Variants in LHB observed in about 807,000 individuals in gnomAD.
LHB encodes the protein luteinizing hormone subunit beta, also known as lutropin subunit beta.
LHB carries 11 observed loss-of-function variants against 10.6 expected under a neutral mutation model. The ratio of observed to expected loss-of-function variants is 1.04; its 90% CI spans 0.66 to 1.72. LHB has a LOEUF of 1.72. LHB is among the 40% of genes most tolerant of loss of function. The probability of loss-of-function intolerance (pLI) is 0.00; values close to 1 mark genes in which losing one functional copy is unlikely to be tolerated. For missense variants in LHB, 184 were observed against 197.3 expected (o/e 0.93, Z 0.41); for synonymous variants, 86 against 83.1 (o/e 1.03, Z -0.19).
chr19:49,017,462 T>G (rs2039576376), upstream of LHB: 11 of 1,138,344 alleles, frequency 9.7e-6, no homozygotes, highest in Non-Finnish European at 1.2e-5. Flanking sequence ...GCCTCAACCC[T>G]CCACTTGAGG....
chr19:49,019,133 C>T, upstream of LHB: 1 of 1,428,224 alleles, frequency 7.0e-7, no homozygotes, highest in Non-Finnish European at 9.1e-7. Context: ...CACACCCCGC[C>T]CCAGGGTTAG....
intron 2 of LHB, 104 bp from the exon 3 acceptor site, chr19:49,016,414 C>T: frequency 1.3e-6 from 2 of 1,598,744 alleles, no homozygotes; most frequent in Non-Finnish European, 1.7e-6. Context: ...GCCCAGGAAG[C>T]CCTCTGTTCC....
upstream of LHB, chr19:49,017,350 C>A (rs915229909): frequency 9.5e-7 from 1 of 1,051,458 alleles, no homozygotes; most frequent in Non-Finnish European, 1.3e-6. Flanking sequence ...CTAGTCGAGC[C>A]TGGAGGCACA....
At chr19:49,019,220 A>G (rs1568649033), upstream of LHB, 36 of 1,378,930 alleles carry the variant, frequency 2.6e-5, no homozygotes, top group Non-Finnish European at 3.3e-5. Flanking sequence ...TCACCTCCCT[A>G]AATCCAAGCA....
chr19:49,018,322 G>T (rs2039591779), upstream of LHB: 5 of 1,216,282 alleles, frequency 4.1e-6, no homozygotes, highest in Non-Finnish European at 5.1e-6. Context: ...CCTTGCGGGG[G>T]TATCCGGACA....
chr19:49,016,449 A>G (rs1211350447), intron 2 of LHB, 98 bp downstream of exon 2: 18 of 1,601,942 alleles, frequency 1.1e-5, no homozygotes, highest in South Asian at 1.1e-4. Flanking sequence ...CCATTCCCCA[A>G]CCGCAGGCCA....
At position 49,017,053 on chromosome 19, in the gene LHB, C is replaced by A. The variant is rs762958127; in HGVS notation, c.15+14G>T. 6.2e-7 allele frequency: 1 copy of A among 1,613,648 alleles called. No individual in the cohort carries two copies. Among genetic ancestry groups the A allele is most frequent in the Non-Finnish European group, 8.5e-7 (1 of 1,179,874 alleles). Reference sequence around the variant, plus strand: ...GAAGGAGGTGGAAGGTGCCCAGGGGCCCTGTAGTCTTACCTGGAGCATCTC... The same window carrying A: ...GAAGGAGGTGGAAGGTGCCCAGGGGACCTGTAGTCTTACCTGGAGCATCTC... On this transcript the variant is annotated intron_variant, in intron 1 of 2. Transcript: ENST00000649238.
upstream of LHB, chr19:49,018,140 T>G (rs2039589655): frequency 7.5e-6 from 3 of 401,454 alleles, no homozygotes; most frequent in African/African-American, 2.0e-5. Flanking sequence ...GTAGGACTCC[T>G]GAGCCAGAGA....
rs377599735 is a variant in LHB at position 49,016,215 on chromosome 19, C to A, written c.279G>T (p.Pro93=). The A allele has an allele frequency of 1.9e-6, 3 of 1,612,486 alleles. No homozygotes were observed. The highest frequency in any genetic ancestry group is 2.5e-6 in the Non-Finnish European group (3 of 1,179,922). The change falls in exon 3 of 3, where the codon CCG becomes CCT. Residue 93 remains proline (P), a synonymous_variant. Coordinates refer to ENST00000649238, the MANE Select transcript of LHB (RefSeq NM_000894.3). ...AGGAGACCACGGGGTCCACACCACG[C>A]GGGCAGCCAGGGAGCCGGATGGACT... is the stretch of plus-strand genomic sequence containing the variant. ...RFESIRLPGC[P]RGVDPVVSFP...
chr19:49,018,756 C>T (rs543582359), upstream of LHB: 205 of 883,712 alleles, frequency 2.3e-4, 2 homozygotes, highest in South Asian at 3.1e-3. Flanking sequence ...CTTGCTGCTA[C>T]AGAAGTCGAG....
chr19:49,019,454 G>C, upstream of LHB: 1 of 1,254,700 alleles, frequency 8.0e-7, no homozygotes, highest in Non-Finnish European at 1.0e-6. Flanking sequence ...CAGCTTAGGA[G>C]CCCTGAAGGT....
At chr19:49,018,296 C>T, upstream of LHB, 1 of 1,186,340 alleles carries the variant, frequency 8.4e-7, no homozygotes, top group Non-Finnish European at 1.1e-6. Context: ...TTCGAAGCTC[C>T]AGTAGGTCAG....
At chr19:49,018,447 C>G, upstream of LHB, 1 of 673,108 alleles carries the variant, frequency 1.5e-6, no homozygotes, top group Non-Finnish European at 2.1e-6. Context: ...CATTTCCAGG[C>G]GAGCACCCCT....
chr19:49,017,857 T>G (rs1035446679), upstream of LHB: 5 of 398,220 alleles, frequency 1.3e-5, no homozygotes, highest in South Asian at 1.4e-4. Flanking sequence ...ATAGACGTAA[T>G]GAGTGCGACT....
At chr19:49,018,068 C>T, upstream of LHB, 4 of 398,796 alleles carry the variant, frequency 1.0e-5, no homozygotes, top group Non-Finnish European at 1.8e-5. Flanking sequence ...GTGCGGGCCG[C>T]CCCAGGGCGC....
chr19:49,018,163 G>C, upstream of LHB: 3 of 404,990 alleles, frequency 7.4e-6, no homozygotes, highest in Middle Eastern at 6.2e-4. Context: ...GGGCTCCCCG[G>C]TGCGGCATGG....
In LHB at chr19:49,015,985, A is replaced by T; in HGVS notation, c.*83T>A. 6.2e-7 allele frequency: 1 copy of T among 1,614,184 alleles called. No homozygotes were observed. The highest frequency in any genetic ancestry group is 8.5e-7 in the Non-Finnish European group (1 of 1,180,038). ...ACAGAAAGACACCTCCAGAGTGCGGATTGAGAAGCCTTTATTGTGGGAGGA... is the reference window on the plus strand; with the variant it reads ...ACAGAAAGACACCTCCAGAGTGCGGTTTGAGAAGCCTTTATTGTGGGAGGA... On this transcript the variant is annotated 3_prime_UTR_variant, in exon 3 of 3. Transcript: ENST00000649238.
At chr19:49,017,831 C>T, upstream of LHB, 1 of 398,772 alleles carries the variant, frequency 2.5e-6, no homozygotes, top group Non-Finnish European at 4.4e-6. Flanking sequence ...GGGCTAGTCC[C>T]GCCCCCACGT....
chr19:49,019,247 G>C (rs2039599917), upstream of LHB: 1 of 1,324,598 alleles, frequency 7.5e-7, no homozygotes, highest in East Asian at 3.0e-5. Context: ...GCTGTTCAAG[G>C]AACTCAAACC....
Sources: gnomAD v4.1 joint callset for allele counts on GRCh38, gnomAD v4.1.1 for gene constraint, MANE v1.5 for transcripts, NCBI Gene and HGNC (gene_info 2026-07-23, HGNC 2026-07-21) for gene names.